Variants in GALK2 observed in about 807,000 individuals in gnomAD.
GALK2 encodes the protein N-acetylgalactosamine kinase.
Under a neutral mutation model 52.4 loss-of-function variants are expected in GALK2, and 36 were observed. The observed-to-expected ratio is 0.69, with a 90% CI of 0.53 to 0.91. The LOEUF (loss-of-function observed/expected upper bound fraction) is 0.91, where lower values mean the gene tolerates loss of function less well. Ranked by LOEUF, GALK2 falls within the 40% of genes least tolerant of loss-of-function variation. The probability of loss-of-function intolerance (pLI) is 0.00; values close to 1 mark genes in which losing one functional copy is unlikely to be tolerated. For missense variants in GALK2, 579 were observed against 559.1 expected (o/e 1.04, Z -0.36); for synonymous variants, 176 against 199.1 (o/e 0.88, Z 0.98).
intron 3 of GALK2, chr15:49,365,566 G>A (rs1028491359): frequency 2.2e-6 from 2 of 891,952 alleles, no homozygotes; most frequent in Non-Finnish European, 3.8e-6. Flanking sequence ...AGGTCCAGCT[G>A]CAAGTTTAAC....
chr15:49,173,004 C>T (rs761883182), intron 1 of GALK2, among the ~76,000 whole-genome samples: 37 of 152,120 alleles, frequency 2.4e-4, no homozygotes, highest in Non-Finnish European at 4.9e-4. Flanking sequence ...AAATTTAGAA[C>T]GTTTTCTTAG....
rs146609431 is a variant in GALK2 at position 49,283,425 on chromosome 15, T to G, written c.604-141T>G. 21 of 691,230 alleles carry G rather than the reference T, an allele frequency of 3.0e-5. No homozygotes were observed. The African/African-American group carries it at 3.8e-4, about 12-fold the overall frequency. 42.8% of individuals were successfully genotyped at this position (691,230 alleles called of 1,614,324 possible). ...TCACTGTTGTATTTCCAGTGCCTAG[T>G]ACAGCGCCTGGAGGTCAATAAGTAA... is the stretch of plus-strand genomic sequence containing the variant. On this transcript the variant is annotated intron_variant, in intron 6 of 9. Coordinates refer to ENST00000560031, the MANE Select transcript of GALK2 (RefSeq NM_002044.4).
intron 1 of GALK2, among the ~76,000 whole-genome samples, chr15:49,162,736 A>G (rs1023020225): frequency 1.3e-5 from 2 of 152,216 alleles, no homozygotes; most frequent in African/African-American, 2.4e-5. Flanking sequence ...GGACAACACA[A>G]CAGGGAGCTG....
intron 1 of GALK2, among the ~76,000 whole-genome samples, chr15:49,184,673 A>G (rs1311793691): frequency 1.3e-5 from 2 of 152,202 alleles, no homozygotes; most frequent in African/African-American, 2.4e-5. Context: ...TGCAAATAAC[A>G]TCTTATCACC....
At chr15:49,308,870 G>A (rs2035760071) in intron 8 of GALK2, among the ~76,000 whole-genome samples, 1 of 152,194 alleles carries the variant, frequency 6.6e-6, no homozygotes, top group African/African-American at 2.4e-5. Context: ...TGCTGCAGTG[G>A]GCAGATGGCA....
chr15:49,361,984 C>G (rs1331420124), intron 3 of GALK2, among the ~76,000 whole-genome samples: 1 of 152,090 alleles, frequency 6.6e-6, no homozygotes, highest in African/African-American at 2.4e-5. Flanking sequence ...ATTTGCATTT[C>G]TCTTATGATT....
intron 1 of GALK2, among the ~76,000 whole-genome samples, chr15:49,172,616 C>G (rs1254911943): frequency 6.6e-6 from 1 of 152,170 alleles, no homozygotes; most frequent in Non-Finnish European, 1.5e-5. Flanking sequence ...TTCAACCTCA[C>G]AAGGCACATG....
chr15:49,344,317 G>A (rs1369291280), intron 3 of GALK2: 1 of 151,724 alleles, frequency 6.6e-6, no homozygotes, highest in Non-Finnish European at 1.5e-5. Context: ...ATAATGGTAT[G>A]GTTGCTTTCT....
chr15:49,156,378 A>T (rs1330556764), intron 1 of GALK2: 1 of 413,866 alleles, frequency 2.4e-6, no homozygotes, highest in Non-Finnish European at 4.7e-6. Context: ...AACCGAGCGG[A>T]AAGGGAAATC....
At chr15:49,166,608 G>A (rs186292821), upstream of GALK2, among the ~76,000 whole-genome samples, 30 of 152,248 alleles carry the variant, frequency 2.0e-4, no homozygotes, top group East Asian at 5.8e-3. Flanking sequence ...TACTCGGGAG[G>A]CTGAGGCAGG....
chr15:49,349,794 T>C (rs984055330), intron 3 of GALK2, among the ~76,000 whole-genome samples: 6 of 152,128 alleles, frequency 3.9e-5, no homozygotes, highest in Non-Finnish European at 5.9e-5. Flanking sequence ...GTTGAAGCCA[T>C]GTGTATGGAC....
intron 1 of GALK2, among the ~76,000 whole-genome samples, chr15:49,159,980 A>C (rs1190071067): frequency 6.6e-6 from 1 of 152,126 alleles, no homozygotes; most frequent in Non-Finnish European, 1.5e-5. Context: ...TACATATAAG[A>C]TTAATAATAC....
chr15:49,232,204 G>A (rs1422087593), intron 3 of GALK2, among the ~76,000 whole-genome samples: 2 of 152,204 alleles, frequency 1.3e-5, no homozygotes, highest in African/African-American at 4.8e-5. Flanking sequence ...AACATTGGCA[G>A]GCTAAACACC....
intron 5 of GALK2, among the ~76,000 whole-genome samples, chr15:49,277,773 G>GC (rs1884056707): frequency 6.6e-6 from 1 of 151,532 alleles, no homozygotes; most frequent in Non-Finnish European, 1.5e-5. Flanking sequence ...TCCAGCCTGC[G>GC]GACAGAGTGA....
intron 1 of GALK2, among the ~76,000 whole-genome samples, chr15:49,200,795 C>A (rs756187290): frequency 2.6e-5 from 4 of 152,164 alleles, no homozygotes; most frequent in Admixed American, 6.5e-5. Flanking sequence ...CCGCATGGTA[C>A]ACTTTTAATG....
At chr15:49,315,903 C>T (rs2036367953) in intron 8 of GALK2, among the ~76,000 whole-genome samples, 1 of 152,162 alleles carries the variant, frequency 6.6e-6, no homozygotes, top group Non-Finnish European at 1.5e-5. Context: ...GAAAACATCT[C>T]TCTGGATAGT....
chr15:49,201,599 G>C (rs769796309), intron 2 of GALK2, among the ~76,000 whole-genome samples: 1 of 152,132 alleles, frequency 6.6e-6, no homozygotes, highest in Non-Finnish European at 1.5e-5. Flanking sequence ...GAGGAGCACA[G>C]GGAAACCTTA....
chr15:49,346,130 A>T (rs2041465216), intron 3 of GALK2, among the ~76,000 whole-genome samples: 1 of 151,178 alleles, frequency 6.6e-6, no homozygotes, highest in African/African-American at 2.4e-5. Flanking sequence ...TGGCTGCTTG[A>T]TAGATACCAT....
At chr15:49,237,538 G>A (rs950594585) in intron 4 of GALK2, among the ~76,000 whole-genome samples, 6 of 151,954 alleles carry the variant, frequency 3.9e-5, no homozygotes, top group African/African-American at 9.7e-5. Flanking sequence ...GTGTAGTGGC[G>A]TGATCTCGGC....
Sources: allele counts gnomAD v4.1 joint callset (sites outside exome capture counted in the v4.1 genomes callset), GRCh38; gene constraint gnomAD v4.1.1; transcripts MANE v1.5; gene names NCBI Gene and HGNC (gene_info 2026-07-23, HGNC 2026-07-21).